Variants in GRIP1 observed in about 807,000 individuals in gnomAD.
The protein encoded by GRIP1 is glutamate receptor interacting protein 1.
Under a neutral mutation model 129.9 loss-of-function variants are expected in GRIP1, and 45 were observed. The observed-to-expected ratio is 0.35, with a 90% confidence interval of 0.27 to 0.44. The LOEUF (loss-of-function observed/expected upper bound fraction) is 0.44, where lower values mean the gene tolerates loss of function less well. GRIP1 is among the 20% of genes least tolerant of loss of function. GRIP1 has a pLI of 1.00. For missense variants in GRIP1, 1,196 were observed against 1,396.8 expected, an observed-to-expected ratio of 0.86 and a Z score of 2.29; for synonymous variants, 530 against 520.8, an observed-to-expected ratio of 1.02 and a Z score of -0.24.
intron 14 of GRIP1, among the ~76,000 whole-genome samples, chr12:66,425,802 T>A (rs1464535151): frequency 1.5e-5 from 2 of 137,132 alleles, no homozygotes; most frequent in African/African-American, 2.7e-5. Flanking sequence ...AAGGGGAACA[T>A]CACACACCGG....
At chr12:66,354,891 T>A (rs1464867388) in intron 23 of GRIP1, among the ~76,000 whole-genome samples, 2 of 152,134 alleles carry the variant, frequency 1.3e-5, no homozygotes, top group Non-Finnish European at 2.9e-5. Context: ...TCAACACTAT[T>A]CACCAACCAG....
Position 66,718,334 on chromosome 12 carries a change from AAG to A in GRIP1, c.-420+85717_-420+85718del, listed in dbSNP as rs1350605073. On this transcript the variant is annotated intron_variant, in intron 1 of 4. Transcript: ENST00000538373. ...AACTCCCTCATTTTACAGGCAGAAA[AAG>A]AGAGAGCCAGTCTGGTTAATATTCA... 4.6e-5 allele frequency among the ~76,000 whole-genome samples: 7 copies of A among 152,164 alleles called. No individual in the cohort carries two copies. In the East Asian group the frequency reaches 7.7e-4, roughly 17 times the overall value.
At chr12:66,451,736 A>G (rs1329082202) in intron 11 of GRIP1, among the ~76,000 whole-genome samples, 1 of 152,118 alleles carries the variant, frequency 6.6e-6, no homozygotes, top group Non-Finnish European at 1.5e-5. Context: ...AGTGTCCCAC[A>G]CTATAGTCAA....
At chr12:66,629,304 G>A (rs1418040704) in intron 1 of GRIP1, among the ~76,000 whole-genome samples, 5 of 152,296 alleles carry the variant, frequency 3.3e-5, no homozygotes, top group East Asian at 1.9e-4. Context: ...AGCACATAGT[G>A]CTGACAAGCC....
At chr12:66,691,934 C>G (rs534098161) in intron 1 of GRIP1, among the ~76,000 whole-genome samples, 2 of 152,176 alleles carry the variant, frequency 1.3e-5, no homozygotes, top group African/African-American at 2.4e-5. Flanking sequence ...GATGGAAGTG[C>G]AAAGCTGTAA....
At chr12:66,609,413 C>A (rs1375233796) in intron 1 of GRIP1, among the ~76,000 whole-genome samples, 1 of 152,102 alleles carries the variant, frequency 6.6e-6, no homozygotes, top group Non-Finnish European at 1.5e-5. Context: ...TATGGGCTAT[C>A]ATACCTGAGT....
chr12:66,882,621 T>C (rs937597429), intron 1 of GRIP1, among the ~76,000 whole-genome samples: 14 of 152,222 alleles, frequency 9.2e-5, no homozygotes, highest in Admixed American at 6.5e-5. Context: ...TATGCAGTCA[T>C]ACAAATAAAG....
intron 1 of GRIP1, among the ~76,000 whole-genome samples, chr12:66,950,914 CA>C (rs1405954520): frequency 3.9e-5 from 6 of 152,108 alleles, no homozygotes; most frequent in Non-Finnish European, 7.4e-5. Context: ...TGATGTGTTG[CA>C]ACAAAAGATC....
At chr12:66,977,203 T>C (rs2042165620) in intron 1 of GRIP1, among the ~76,000 whole-genome samples, 1 of 151,446 alleles carries the variant, frequency 6.6e-6, no homozygotes, top group Admixed American at 6.6e-5. Flanking sequence ...GGTCAAACTT[T>C]TTTTTTTTTT....
At chr12:66,352,763 A>G (rs1349148542) in intron 24 of GRIP1, among the ~76,000 whole-genome samples, 1 of 151,300 alleles carries the variant, frequency 6.6e-6, no homozygotes, top group Non-Finnish European at 1.5e-5. Context: ...CTAACTTTCC[A>G]TCAACTTCAA....
intron 7 of GRIP1, among the ~76,000 whole-genome samples, chr12:66,490,465 T>C (rs545921433): frequency 3.6e-4 from 55 of 152,258 alleles, no homozygotes; most frequent in African/African-American, 1.2e-3. Flanking sequence ...TTACACCTTA[T>C]ACAAAAATTA....
chr12:66,829,659 T>A (rs1223862111), intron 1 of GRIP1, among the ~76,000 whole-genome samples: 1 of 152,154 alleles, frequency 6.6e-6, no homozygotes, highest in South Asian at 2.1e-4. Flanking sequence ...GAAAAAAATA[T>A]CTTTGTAGTA....
At chr12:66,404,515 T>G (rs1447667658) in intron 16 of GRIP1, among the ~76,000 whole-genome samples, 2 of 152,338 alleles carry the variant, frequency 1.3e-5, no homozygotes, top group South Asian at 4.1e-4. Context: ...GCAATAGGTT[T>G]CTTTATGTTG....
At chr12:66,353,909 G>A (rs528441769) in intron 23 of GRIP1, among the ~76,000 whole-genome samples, 83 of 152,284 alleles carry the variant, frequency 5.5e-4, no homozygotes, top group Admixed American at 1.6e-3. Context: ...GGAGCTGCCC[G>A]CAGCAGCCCT....
At chr12:66,707,135 C>T (rs1404691971) in intron 1 of GRIP1, among the ~76,000 whole-genome samples, 1 of 151,600 alleles carries the variant, frequency 6.6e-6, no homozygotes, top group African/African-American at 2.4e-5. Flanking sequence ...AAACTGGCTC[C>T]CCATGCATAA....
At chr12:66,418,961 G>A (rs575571664) in intron 15 of GRIP1, among the ~76,000 whole-genome samples, 3 of 152,242 alleles carry the variant, frequency 2.0e-5, no homozygotes, top group African/African-American at 7.2e-5. Flanking sequence ...CAAAAGAAAG[G>A]AAATCTGTAT....
At chr12:66,642,061 G>C (rs373709862) in intron 1 of GRIP1, among the ~76,000 whole-genome samples, 2 of 152,146 alleles carry the variant, frequency 1.3e-5, no homozygotes, top group Non-Finnish European at 1.5e-5. Flanking sequence ...GAGCTTGGAC[G>C]ACCTTATCAG....
chr12:66,587,740 A>G (rs1305559950), intron 2 of GRIP1, among the ~76,000 whole-genome samples: 1 of 152,142 alleles, frequency 6.6e-6, no homozygotes, highest in East Asian at 1.9e-4. Context: ...CAAAAAGGAG[A>G]ATGCAGCGAG....
At chr12:66,352,499 G>A (rs1203873135) in intron 24 of GRIP1, among the ~76,000 whole-genome samples, 1 of 152,134 alleles carries the variant, frequency 6.6e-6, no homozygotes, top group Non-Finnish European at 1.5e-5. Context: ...TTGGGAGGCC[G>A]AGGTGGGTGG....
Sources: allele counts gnomAD v4.1 joint callset (sites outside exome capture counted in the v4.1 genomes callset), GRCh38; gene constraint gnomAD v4.1.1; transcripts MANE v1.5; gene names NCBI Gene and HGNC (gene_info 2026-07-23, HGNC 2026-07-21).